RNF150: variants seen among roughly 807,000 people sequenced by gnomAD.
The protein encoded by RNF150 is ring finger protein 150.
RNF150 carries 24 observed loss-of-function variants against 39.3 expected under a neutral mutation model. That is an observed-to-expected ratio of 0.61 (90% confidence interval 0.44 to 0.86). The LOEUF (loss-of-function observed/expected upper bound fraction) is 0.86. Among genes scored for constraint, RNF150 ranks in the 40% least tolerant of loss-of-function variants. The pLI, the probability that RNF150 is intolerant of heterozygous loss-of-function variation, is 0.00. For synonymous variants in RNF150, 255 were observed against 227.3 expected (o/e 1.12, Z -1.10); for missense variants, 502 against 587.8 (o/e 0.85, Z 1.51).
intron 1 of RNF150, among the ~76,000 whole-genome samples, chr4:140,978,725 G>A (rs1010000062): frequency 2.0e-5 from 3 of 152,106 alleles, no homozygotes; most frequent in African/African-American, 7.2e-5. Flanking sequence ...ATAAGGCATT[G>A]TATTTAGAGA....
Position 140,983,739 on chromosome 4 carries a change from CTT to C in RNF150, c.485-15868_485-15867del, listed in dbSNP as rs35565844. 1.5e-3 allele frequency among the ~76,000 whole-genome samples: 197 copies of C among 129,612 alleles called. 1 individual carries two copies. The highest frequency in any genetic ancestry group is 5.1e-3 in the African/African-American group (178 of 35,218). The allele number at this position is 129,612 out of a possible 152,430, so 85.0% of individuals were successfully genotyped here. On this transcript the variant is annotated intron_variant, in intron 1 of 6. Transcript: ENST00000515673. ...ATAACTTTGTATGTTGTATAACTGC[CTT>C]TTTTTTTTTTTTTTTTGAGACAGAT...
intron 1 of RNF150, among the ~76,000 whole-genome samples, chr4:140,999,932 GGTCTCAAAAAA>G (rs1734517485): frequency 1.6e-5 from 1 of 61,512 alleles, no homozygotes. Context: ...AGTGAGACTT[GGTCTCAAAAAA>G]AGAAGAAGAA....
At chr4:141,055,641 T>C (rs993638988) in intron 1 of RNF150, among the ~76,000 whole-genome samples, 3 of 152,032 alleles carry the variant, frequency 2.0e-5, no homozygotes, top group Non-Finnish European at 2.9e-5. Context: ...TTACTCAGAA[T>C]GCAGCACAGA....
intron 6 of RNF150, among the ~76,000 whole-genome samples, chr4:140,910,717 G>C (rs1440296370): frequency 6.6e-6 from 1 of 152,026 alleles, no homozygotes; most frequent in Non-Finnish European, 1.5e-5. Flanking sequence ...GTGTGTGTGT[G>C]TGTGTACACA....
At chr4:140,924,191 A>G (rs1328681398) in intron 5 of RNF150, among the ~76,000 whole-genome samples, 2 of 152,218 alleles carry the variant, frequency 1.3e-5, no homozygotes, top group East Asian at 3.8e-4. Context: ...CATTGTGCAA[A>G]GTAAAATCCT....
intron 5 of RNF150, among the ~76,000 whole-genome samples, chr4:140,915,345 C>CT (rs1192895491): frequency 6.6e-6 from 1 of 152,198 alleles, no homozygotes; most frequent in African/African-American, 2.4e-5. Flanking sequence ...AGGCTGTGAG[C>CT]TTGCCCAGTG....
intron 2 of RNF150, among the ~76,000 whole-genome samples, chr4:140,949,682 C>A (rs990160314): frequency 1.2e-4 from 13 of 106,296 alleles, no homozygotes; most frequent in East Asian, 2.7e-4. Context: ...CTACCCCCCC[C>A]CAAAAAAAAA....
chr4:140,996,435 T>C (rs1366814475), intron 1 of RNF150, among the ~76,000 whole-genome samples: 2 of 152,166 alleles, frequency 1.3e-5, no homozygotes, highest in Non-Finnish European at 2.9e-5. Context: ...GGTGGCATGA[T>C]AGAGTAGAAA....
At chr4:140,989,032 C>T (rs1327798662) in intron 1 of RNF150, among the ~76,000 whole-genome samples, 3 of 152,098 alleles carry the variant, frequency 2.0e-5, no homozygotes, top group Admixed American at 6.6e-5. Context: ...AGATTGTCCT[C>T]ATTTGAAGCA....
intron 1 of RNF150, among the ~76,000 whole-genome samples, chr4:141,063,098 T>G (rs1737302168): frequency 6.6e-6 from 1 of 152,246 alleles, no homozygotes; most frequent in African/African-American, 2.4e-5. Context: ...GATTCTACTT[T>G]GTAGACGATT....
chr4:141,127,750 C>T (rs1248017047), intron 1 of RNF150, among the ~76,000 whole-genome samples: 2 of 152,182 alleles, frequency 1.3e-5, no homozygotes, highest in African/African-American at 4.8e-5. Context: ...CCTAGCCTCA[C>T]AAAAGTTCTT....
intron 1 of RNF150, among the ~76,000 whole-genome samples, chr4:141,161,947 A>G (rs1727519204): frequency 6.6e-6 from 1 of 152,200 alleles, no homozygotes; most frequent in African/African-American, 2.4e-5. Context: ...CCTTATGGAG[A>G]ACCTCTACTA....
intron 6 of RNF150, among the ~76,000 whole-genome samples, chr4:140,894,007 C>T (rs561373556): frequency 3.9e-5 from 6 of 152,216 alleles, no homozygotes; most frequent in East Asian, 1.9e-4. Context: ...TTAGTATTTC[C>T]TCCACAAGCT....
intron 1 of RNF150, among the ~76,000 whole-genome samples, chr4:141,018,904 A>G (rs1453356347): frequency 6.6e-6 from 1 of 151,968 alleles, no homozygotes; most frequent in African/African-American, 2.4e-5. Flanking sequence ...AGATCAGTAA[A>G]TTCACTGAAA....
At chr4:141,194,176 C>T (rs1464809817) in intron 1 of RNF150, among the ~76,000 whole-genome samples, 1 of 152,182 alleles carries the variant, frequency 6.6e-6, no homozygotes, top group Non-Finnish European at 1.5e-5. Context: ...ATTGCTTGCA[C>T]TAATGTCTTT....
intron 1 of RNF150, among the ~76,000 whole-genome samples, chr4:140,969,193 T>C (rs2111427218): frequency 6.6e-6 from 1 of 152,296 alleles, no homozygotes; most frequent in African/African-American, 2.4e-5. Flanking sequence ...GTGCAGGTTT[T>C]CAACCTTAAA....
intron 4 of RNF150, among the ~76,000 whole-genome samples, chr4:140,936,737 A>G (rs1200670412): frequency 6.6e-6 from 1 of 152,170 alleles, no homozygotes; most frequent in Admixed American, 6.5e-5. Context: ...CATTTTATCA[A>G]TTCTAGGCCA....
intron 1 of RNF150, among the ~76,000 whole-genome samples, chr4:140,980,336 C>T (rs1157807780): frequency 6.6e-6 from 1 of 152,054 alleles, no homozygotes; most frequent in Non-Finnish European, 1.5e-5. Flanking sequence ...AGCCACCATG[C>T]CCGATCCCCT....
At chr4:141,097,876 A>G (rs1738859384) in intron 1 of RNF150, among the ~76,000 whole-genome samples, 1 of 152,110 alleles carries the variant, frequency 6.6e-6, no homozygotes, top group Admixed American at 6.6e-5. Context: ...TTCTCAGTTT[A>G]TCCATCATTT....
Sources: allele counts gnomAD v4.1 joint callset (sites outside exome capture counted in the v4.1 genomes callset), GRCh38; gene constraint gnomAD v4.1.1; transcripts MANE v1.5; gene names NCBI Gene and HGNC (gene_info 2026-07-23, HGNC 2026-07-21).